Variants in RORA observed in about 807,000 individuals in gnomAD.
RORA encodes the protein nuclear receptor ROR-alpha.
Under a neutral mutation model 69.5 loss-of-function variants are expected in RORA, and 7 were observed. That is an observed-to-expected ratio of 0.10 (90% CI 0.06 to 0.19). The LOEUF (loss-of-function observed/expected upper bound fraction) is 0.19. RORA is among the 10% of genes least tolerant of loss of function. The pLI, the probability that RORA is intolerant of heterozygous loss-of-function variation, is 1.00. For synonymous variants in RORA, 261 were observed against 240.8 expected (o/e 1.08, Z -0.78); for missense variants, 457 against 663.0 (o/e 0.69, Z 3.41).
intron 1 of RORA, among the ~76,000 whole-genome samples, chr15:60,989,041 T>C (rs1043992649): frequency 2.0e-5 from 3 of 152,190 alleles, no homozygotes; most frequent in African/African-American, 4.8e-5. Context: ...CAGGGAAAAG[T>C]ATTCTTATTT....
chr15:60,551,841 G>A (rs1221150024), intron 2 of RORA, among the ~76,000 whole-genome samples: 1 of 152,220 alleles, frequency 6.6e-6, no homozygotes, highest in Admixed American at 6.5e-5. Context: ...AGACCAAGGT[G>A]ATACTGCCAC....
chr15:60,721,630 T>C (rs1345388940), intron 1 of RORA, among the ~76,000 whole-genome samples: 1 of 152,254 alleles, frequency 6.6e-6, no homozygotes, highest in Non-Finnish European at 1.5e-5. Flanking sequence ...AACAAGTTTC[T>C]CTTCTAGTAA....
intron 2 of RORA, chr15:60,615,086 A>G: frequency 1.3e-6 from 2 of 1,579,074 alleles, no homozygotes; most frequent in Non-Finnish European, 1.7e-6. Context: ...GCTTCCTAGA[A>G]CCTGGTGGTG....
rs1567115052 is a variant in RORA, at chr15:60,597,539, AC to A, written c.197-65689del. Among the ~76,000 whole-genome samples the A allele has an allele frequency of 1.3e-3, 89 of 69,808 alleles. 4 individuals carry two copies. Among genetic ancestry groups the A allele is most frequent in the South Asian group, 2.6e-3 (6 of 2,278 alleles). The allele number at this position is 69,808 out of a possible 152,430, so 45.8% of individuals were successfully genotyped here. ...CACACACACACACACACACACACAC[AC>A]ACACACACAACATATATATATATAT... On this transcript the variant is annotated intron_variant, in intron 2 of 10. Coordinates refer to ENST00000335670, the MANE Select transcript of RORA (RefSeq NM_134261.3).
Position 61,204,941 on chromosome 15 carries a change from G to A in RORA, c.166+24112C>T, listed in dbSNP as rs114246811. 3.7e-3 allele frequency among the ~76,000 whole-genome samples: 557 copies of A among 152,280 alleles called. 4 individuals carry two copies. Among genetic ancestry groups the A allele is most frequent in the African/African-American group, 0.013 (537 of 41,556 alleles). On this transcript the variant is annotated intron_variant, in intron 1 of 10. Transcript: ENST00000335670. ...AAGGAATATGTCCCCAGCTCCAGCC[G>A]AACATTCTGTTCAGGCTTTTCAATC... is the stretch of plus-strand genomic sequence containing the variant.
intron 1 of RORA, among the ~76,000 whole-genome samples, chr15:61,202,414 A>G (rs2079903225): frequency 6.6e-6 from 1 of 152,120 alleles, no homozygotes; most frequent in African/African-American, 2.4e-5. Context: ...GGCCTCAATA[A>G]CCTTTTACAC....
chr15:60,873,810 T>C (rs2140438654), intron 1 of RORA, among the ~76,000 whole-genome samples: 1 of 152,264 alleles, frequency 6.6e-6, no homozygotes, highest in Admixed American at 6.5e-5. Flanking sequence ...CATTCCCAAA[T>C]AATACATTCT....
At chr15:61,168,986 T>C (rs1596042357) in intron 1 of RORA, among the ~76,000 whole-genome samples, 1 of 152,162 alleles carries the variant, frequency 6.6e-6, no homozygotes, top group African/African-American at 2.4e-5. Context: ...GATTTCTTTC[T>C]CCCTCCAAGC....
At chr15:60,826,348 C>G (rs2072956176) in intron 1 of RORA, among the ~76,000 whole-genome samples, 2 of 152,160 alleles carry the variant, frequency 1.3e-5, no homozygotes, top group African/African-American at 4.8e-5. Context: ...AGCATATCCC[C>G]AAGGGCACCT....
In RORA at chr15:60,488,609, C is replaced by T. The variant is rs1048484487; in HGVS notation, c.*8846G>A. The T allele has an allele frequency of 1.1e-4, 17 of 152,006 alleles. No homozygotes were observed. Among genetic ancestry groups the T allele is most frequent in the East Asian group, 7.7e-4 (4 of 5,198 alleles). The allele number at this position is 152,006 out of a possible 1,614,324, so 9.4% of individuals were successfully genotyped here. ...AACCCAAGGTAAGTGAAAAGTTGGA[C>T]GATCCTCTAATAAAGATCATTAGCA... On this transcript the variant is annotated 3_prime_UTR_variant, in exon 11 of 11. Coordinates refer to ENST00000335670, the MANE Select transcript of RORA (RefSeq NM_134261.3).
intron 1 of RORA, among the ~76,000 whole-genome samples, chr15:61,009,687 A>T (rs1286764279): frequency 2.0e-5 from 3 of 152,220 alleles, no homozygotes; most frequent in African/African-American, 7.2e-5. Context: ...ATCACTTAAC[A>T]CTTACTTAAA....
Position 60,746,951 on chromosome 15 carries a change from G to C in RORA, c.167-68265C>G, listed in dbSNP as rs146952402. Among the ~76,000 whole-genome samples the C allele has an allele frequency of 3.0e-4, 46 of 152,282 alleles. No individual in the cohort carries two copies. In the East Asian group the frequency reaches 8.3e-3, roughly 27 times the overall value. ...ATTACTCTGAATAAAATAGTGAGTA[G>C]AAACTCACCGATCGACTCTAGTTAG... is the stretch of plus-strand genomic sequence containing the variant. On this transcript the variant is annotated intron_variant, in intron 1 of 10. Transcript: ENST00000335670.
rs1439236247 is a variant in RORA at position 60,657,794 on chromosome 15, C to T, written c.196+20863G>A. Among the ~76,000 whole-genome samples the T allele has an allele frequency of 5.3e-5, 8 of 152,154 alleles. No homozygotes were observed. In the East Asian group the frequency reaches 1.5e-3, roughly 29 times the overall value. The stretch of plus-strand genomic sequence containing the variant: ...CTATACCTTGGACACAGATAAATTG[C>T]CACGTTTATCACTGCACTTCCCTTT... On this transcript the variant is annotated intron_variant, in intron 2 of 10. Coordinates refer to ENST00000335670, the MANE Select transcript of RORA (RefSeq NM_134261.3).
chr15:60,625,497 T>G (rs1018744225), intron 2 of RORA, among the ~76,000 whole-genome samples: 1 of 152,212 alleles, frequency 6.6e-6, no homozygotes, highest in African/African-American at 2.4e-5. Flanking sequence ...ACAAAATGGT[T>G]CATGTTTGAG....
intron 1 of RORA, among the ~76,000 whole-genome samples, chr15:61,197,649 G>C (rs1417704876): frequency 6.6e-6 from 1 of 152,142 alleles, no homozygotes; most frequent in African/African-American, 2.4e-5. Flanking sequence ...ACATTCACTG[G>C]GAACCGTCAA....
intron 1 of RORA, among the ~76,000 whole-genome samples, chr15:60,964,127 T>G (rs1893486631): frequency 6.6e-6 from 1 of 152,224 alleles, no homozygotes; most frequent in Non-Finnish European, 1.5e-5. Context: ...CATGGTCACA[T>G]AGCTGGTAAG....
chr15:61,021,705 T>A lies in RORA; in HGVS notation c.166+207348A>T, dbSNP rs535458265. Among the ~76,000 whole-genome samples, 5 of 152,304 alleles carry A rather than the reference T, an allele frequency of 3.3e-5. No individual in the cohort carries two copies. The South Asian group carries it at 1.0e-3, about 32-fold the overall frequency. ...AATTCTCTTCCTTAAAATCCTCTGATGTACTTCTCCTATGGTGAGGGCAAT... is the reference window on the plus strand; with the variant it reads ...AATTCTCTTCCTTAAAATCCTCTGAAGTACTTCTCCTATGGTGAGGGCAAT... On this transcript the variant is annotated intron_variant, in intron 1 of 10. Coordinates refer to ENST00000335670, the MANE Select transcript of RORA (RefSeq NM_134261.3).
Position 60,511,681 on chromosome 15 carries a change from T to C in RORA, c.425-60A>G, listed in dbSNP as rs1055293933. The C allele has an allele frequency of 2.7e-6, 4 of 1,500,632 alleles. No homozygotes were observed. In the Admixed American group the frequency reaches 9.3e-5, roughly 35 times the overall value. The allele number at this position is 1,500,632 out of a possible 1,614,324, so 93.0% of individuals were successfully genotyped here. ...TGCGCTTTTCTTCAATATTCTCTCC[T>C]GCGAGCTTTGGGGTTTCCTTTGAAG... On this transcript the variant is annotated intron_variant, in intron 4 of 10. Transcript: ENST00000335670. The surrounding 1 kb of genome is among the most constrained non-coding windows in gnomAD (Gnocchi z 6.4).
At chr15:60,624,505 A>ACG (rs1453034993) in intron 2 of RORA, among the ~76,000 whole-genome samples, 1 of 57,804 alleles carries the variant, frequency 1.7e-5, no homozygotes, top group Non-Finnish European at 3.2e-5. Flanking sequence ...TATTTGCTGT[A>ACG]TGTGTGTGTA....
Sources: allele counts gnomAD v4.1 joint callset (sites outside exome capture counted in the v4.1 genomes callset), GRCh38; gene constraint gnomAD v4.1.1; non-coding constraint Gnocchi (gnomAD v3.1); transcripts MANE v1.5; gene names NCBI Gene and HGNC (gene_info 2026-07-23, HGNC 2026-07-21).